Variants in PARD3B observed in about 807,000 individuals in gnomAD.
PARD3B encodes par-3 family cell polarity regulator beta.
A neutral mutation model predicts 130.2 loss-of-function variants in PARD3B; 103 were observed. The ratio of observed to expected loss-of-function variants is 0.79; its 90% CI spans 0.67 to 0.93. The LOEUF (loss-of-function observed/expected upper bound fraction) is 0.93, where lower values mean the gene tolerates loss of function less well. Among genes scored for constraint, PARD3B ranks in the 40% least tolerant of loss-of-function variants. PARD3B has a pLI of 0.00. For missense variants in PARD3B, 1,609 were observed against 1,499.2 expected, an observed-to-expected ratio of 1.07 and a Z score of -1.21; for synonymous variants, 583 against 553.2, an observed-to-expected ratio of 1.05 and a Z score of -0.76.
chr2:205,393,014 T>A (rs116390817), intron 18 of PARD3B, among the ~76,000 whole-genome samples: 2,787 of 152,220 alleles, frequency 0.018, 83 homozygotes, highest in African/African-American at 0.062. Context: ...TTTTTATCAG[T>A]CTCATTAACT....
chr2:205,008,089 A>G (rs1328604291), intron 3 of PARD3B, among the ~76,000 whole-genome samples: 1 of 152,160 alleles, frequency 6.6e-6, no homozygotes, highest in African/African-American at 2.4e-5. Context: ...GAGTGGAAGA[A>G]AGAGTGGTGC....
chr2:204,814,708 A>C (rs2043084537), intron 2 of PARD3B, among the ~76,000 whole-genome samples: 1 of 151,530 alleles, frequency 6.6e-6, no homozygotes, highest in Admixed American at 6.6e-5. Context: ...CTTTTCATGG[A>C]TCCCTTTTTC....
chr2:204,951,684 A>G (rs1302016918), intron 2 of PARD3B, among the ~76,000 whole-genome samples: 1 of 152,238 alleles, frequency 6.6e-6, no homozygotes, highest in African/African-American at 2.4e-5. Context: ...TGAAATTTAC[A>G]TGAGAGTGGG....
rs78850268 is a variant in PARD3B at position 204,878,189 on chromosome 2, G to A, written c.223-86963G>A. Among the ~76,000 whole-genome samples, 1,568 of 152,230 alleles carry A rather than the reference G, an allele frequency of 0.01. 38 individuals carry two copies. In the East Asian group the frequency reaches 0.11, roughly 11 times the overall value. ...TATAGCATAGAGTTAGTGTTGCAAGGTGACTTTGATATGTCAGAAAAGCTA... is the reference window on the plus strand; with the variant it reads ...TATAGCATAGAGTTAGTGTTGCAAGATGACTTTGATATGTCAGAAAAGCTA... On this transcript the variant is annotated intron_variant, in intron 2 of 22. Transcript: ENST00000406610.
rs1396748112 is a variant in PARD3B, at chr2:204,763,565, AAAG to A, written c.222+77285_222+77287del. On this transcript the variant is annotated intron_variant, in intron 2 of 22. Coordinates refer to ENST00000406610, the MANE Select transcript of PARD3B (RefSeq NM_001302769.2). Reference sequence around the variant, plus strand: ...TTAAAAAAAGGAAAATTGATTTATAAAAGATTATAGCACTTTCTGAACTTATTC... The same window carrying A: ...TTAAAAAAAGGAAAATTGATTTATAAATTATAGCACTTTCTGAACTTATTC... 2.0e-5 allele frequency among the ~76,000 whole-genome samples: 3 copies of A among 152,232 alleles called. No individual in the cohort carries two copies. In the East Asian group the frequency reaches 5.8e-4, roughly 29 times the overall value.
chr2:204,726,466 T>G, intron 2 of PARD3B, among the ~76,000 whole-genome samples: 1 of 152,174 alleles, frequency 6.6e-6, no homozygotes, highest in Non-Finnish European at 1.5e-5. Flanking sequence ...TACTGTTTTA[T>G]CATCTACCCT....
chr2:204,616,233 G>A (rs573695200), intron 1 of PARD3B, among the ~76,000 whole-genome samples: 1 of 152,226 alleles, frequency 6.6e-6, no homozygotes, highest in East Asian at 1.9e-4. Context: ...TGATAAAAAC[G>A]TGTTATCTAA....
At chr2:205,428,320 C>A (rs1352145248) in intron 19 of PARD3B, among the ~76,000 whole-genome samples, 1 of 152,146 alleles carries the variant, frequency 6.6e-6, no homozygotes, top group African/African-American at 2.4e-5. Flanking sequence ...GCAGAGGTTG[C>A]AGTGAGCAGA....
At chr2:205,283,378 G>T (rs960913979) in intron 16 of PARD3B, among the ~76,000 whole-genome samples, 1 of 152,092 alleles carries the variant, frequency 6.6e-6, no homozygotes, top group African/African-American at 2.4e-5. Context: ...TCAATCTCCT[G>T]GGCTCAAGGG....
At chr2:204,574,853 T>C (rs1231988336) in intron 1 of PARD3B, among the ~76,000 whole-genome samples, 2 of 152,244 alleles carry the variant, frequency 1.3e-5, no homozygotes, top group Non-Finnish European at 2.9e-5. Context: ...ACATAGTTTC[T>C]ACTCAGGTTT....
At chr2:204,734,684 G>A (rs1170136138) in intron 2 of PARD3B, among the ~76,000 whole-genome samples, 4 of 152,130 alleles carry the variant, frequency 2.6e-5, no homozygotes, top group Non-Finnish European at 5.9e-5. Context: ...TCCATTAAAT[G>A]AAATTCTTAA....
intron 21 of PARD3B, among the ~76,000 whole-genome samples, chr2:205,537,203 G>C (rs1352466636): frequency 6.6e-6 from 1 of 152,092 alleles, no homozygotes; most frequent in Non-Finnish European, 1.5e-5. Flanking sequence ...AATAGGTGTT[G>C]ATTCTGCTCA....
At chr2:205,493,728 T>TATG (rs2049817114) in intron 20 of PARD3B, among the ~76,000 whole-genome samples, 1 of 34,036 alleles carries the variant, frequency 2.9e-5, no homozygotes, top group African/African-American at 8.3e-5. Context: ...ATGTATGTAT[T>TATG]TATTTATTTA....
chr2:205,322,536 G>A (rs529986887), intron 18 of PARD3B, among the ~76,000 whole-genome samples: 2 of 152,244 alleles, frequency 1.3e-5, no homozygotes, highest in Admixed American at 1.3e-4. Context: ...GTTCCTCATC[G>A]CTGGCCTGTC....
At chr2:204,793,554 C>A (rs1454453820) in intron 2 of PARD3B, among the ~76,000 whole-genome samples, 1 of 152,118 alleles carries the variant, frequency 6.6e-6, no homozygotes, top group African/African-American at 2.4e-5. Context: ...GTCACCCAGG[C>A]TGGAGTGCAA....
At chr2:205,066,791 C>A (rs539612594) in intron 4 of PARD3B, among the ~76,000 whole-genome samples, 1 of 151,896 alleles carries the variant, frequency 6.6e-6, no homozygotes, top group South Asian at 2.1e-4. Context: ...ATCTAAATAA[C>A]TGATGACTTA....
chr2:205,256,010 C>A (rs2040067256), intron 16 of PARD3B, among the ~76,000 whole-genome samples: 1 of 152,102 alleles, frequency 6.6e-6, no homozygotes, highest in Non-Finnish European at 1.5e-5. Flanking sequence ...CAGGCAGCCC[C>A]AAATCCTGAG....
intron 1 of PARD3B, among the ~76,000 whole-genome samples, chr2:204,568,876 A>G (rs2031832038): frequency 6.6e-6 from 1 of 151,644 alleles, no homozygotes; most frequent in Admixed American, 6.6e-5. Flanking sequence ...AATCAATTGA[A>G]CCTGGGAGGC....
Position 205,440,226 on chromosome 2 carries a change from C to A in PARD3B, c.2742-144C>A. On this transcript the variant is annotated intron_variant, in intron 19 of 22. Transcript: ENST00000406610. The surrounding 1 kb of genome is among the most constrained non-coding windows in gnomAD (Gnocchi z 4.2). Reference sequence around the variant, plus strand: ...AAAATTAATCTTCTTATGCTGTTGGCATTTCTGCATGCTGTGATCTTGAGT... The same window carrying A: ...AAAATTAATCTTCTTATGCTGTTGGAATTTCTGCATGCTGTGATCTTGAGT... 1 of 764,794 alleles carries A rather than the reference C, an allele frequency of 1.3e-6. No homozygotes were observed. The highest frequency in any genetic ancestry group is 2.1e-6 in the Non-Finnish European group (1 of 478,892). The allele number at this position is 764,794 out of a possible 1,614,324, so 47.4% of individuals were successfully genotyped here. A position where few individuals can be genotyped will look rare whatever the true frequency, so the allele number is the denominator to read the frequency against.
Sources: allele counts gnomAD v4.1 joint callset (sites outside exome capture counted in the v4.1 genomes callset), GRCh38; gene constraint gnomAD v4.1.1; non-coding constraint Gnocchi (gnomAD v3.1); transcripts MANE v1.5; gene names NCBI Gene and HGNC (gene_info 2026-07-23, HGNC 2026-07-21).